The following ICA1 variants were observed in gnomAD, a reference collection of about 807,000 sequenced individuals.
ICA1 encodes the protein 69 kDa islet cell autoantigen.
Under a neutral mutation model 71.0 loss-of-function variants are expected in ICA1, and 40 were observed. The ratio of observed to expected loss-of-function variants is 0.56; its 90% confidence interval spans 0.44 to 0.73. ICA1 has a LOEUF of 0.73. Ranked by LOEUF, ICA1 falls within the 30% of genes least tolerant of loss-of-function variation. The pLI is 0.00. For synonymous variants in ICA1, 207 were observed against 209.5 expected, an observed-to-expected ratio of 0.99 and a Z score of 0.10; for missense variants, 578 against 576.5, an observed-to-expected ratio of 1.00 and a Z score of -0.03.
intron 6 of ICA1, among the ~76,000 whole-genome samples, chr7:8,188,309 C>T (rs1784509510): frequency 6.6e-6 from 1 of 152,168 alleles, no homozygotes; most frequent in African/African-American, 2.4e-5. Context: ...CATTTCTACG[C>T]TGAAAATCTC....
intron 6 of ICA1, among the ~76,000 whole-genome samples, chr7:8,159,241 A>T (rs1005585193): frequency 1.2e-4 from 18 of 152,232 alleles, no homozygotes; most frequent in African/African-American, 4.3e-4. Context: ...AACTATTCCC[A>T]TGGATGAAAC....
chr7:8,211,361 A>T (rs951258079), intron 6 of ICA1, among the ~76,000 whole-genome samples: 1 of 152,176 alleles, frequency 6.6e-6, no homozygotes, highest in Non-Finnish European at 1.5e-5. Flanking sequence ...GGTGACGGGC[A>T]CCTTCCTCAG....
chr7:8,158,387 A>C, intron 7 of ICA1, 140 bp downstream of exon 7: 7 of 986,776 alleles, frequency 7.1e-6, no homozygotes, highest in Non-Finnish European at 1.1e-5. Flanking sequence ...CCTAGAAGGC[A>C]GAGATGTGGG....
chr7:8,182,375 C>A (rs1388698478), intron 6 of ICA1, among the ~76,000 whole-genome samples: 1 of 152,198 alleles, frequency 6.6e-6, no homozygotes, highest in Non-Finnish European at 1.5e-5. Flanking sequence ...GCCTGGTTCA[C>A]AATTTTATTC....
chr7:8,202,225 T>C (rs1331331405), intron 6 of ICA1, among the ~76,000 whole-genome samples: 2 of 152,128 alleles, frequency 1.3e-5, no homozygotes, highest in African/African-American at 4.8e-5. Flanking sequence ...TTCCAGAAAA[T>C]AAGGGGATGC....
intron 6 of ICA1, among the ~76,000 whole-genome samples, chr7:8,180,148 C>T (rs1298203909): frequency 6.6e-6 from 1 of 152,010 alleles, no homozygotes; most frequent in Non-Finnish European, 1.5e-5. Flanking sequence ...CAAACATTTT[C>T]AGCACTCCAG....
intron 6 of ICA1, among the ~76,000 whole-genome samples, chr7:8,171,760 T>C (rs1186408589): frequency 6.6e-6 from 1 of 151,958 alleles, no homozygotes; most frequent in Non-Finnish European, 1.5e-5. Context: ...AATTTCCCTC[T>C]AAACATTGCT....
At chr7:8,209,687 G>C (rs1792936512) in intron 6 of ICA1, among the ~76,000 whole-genome samples, 1 of 152,184 alleles carries the variant, frequency 6.6e-6, no homozygotes, top group African/African-American at 2.4e-5. Context: ...CATGTATAAA[G>C]TGCAACAGGA....
intron 6 of ICA1, among the ~76,000 whole-genome samples, chr7:8,179,534 G>A (rs1781562784): frequency 6.6e-6 from 1 of 152,214 alleles, no homozygotes; most frequent in East Asian, 1.9e-4. Context: ...GTAAAGAAAT[G>A]TTGTATAACA....
intron 5 of ICA1, chr7:8,218,887 G>A (rs552648580): frequency 1.4e-4 from 44 of 315,202 alleles, no homozygotes; most frequent in South Asian, 1.1e-3. Context: ...GGAATGGAGC[G>A]TATGTGATTA....
chr7:8,226,447 C>T lies in ICA1; in HGVS notation c.256+2154G>A, dbSNP rs984546546. On this transcript the variant is annotated intron_variant, in intron 4 of 13. Transcript: ENST00000402384. This position sits in a 1 kb window ranked among gnomAD's most constrained non-coding sequence, Gnocchi z 4.4. ...TTTTTTACATTTATATTTTATATCA[C>T]CTTCTTGCTTGCATGAAGGATAGCA... Among the ~76,000 whole-genome samples, 13 of 152,260 alleles carry T rather than the reference C, an allele frequency of 8.5e-5. No homozygotes were observed. Among genetic ancestry groups the T allele is most frequent in the Admixed American group, 3.9e-4 (6 of 15,288 alleles).
At chr7:8,168,511 T>C (rs901925919) in intron 6 of ICA1, among the ~76,000 whole-genome samples, 5 of 152,140 alleles carry the variant, frequency 3.3e-5, no homozygotes, top group African/African-American at 4.8e-5. Context: ...TCTACCACCA[T>C]TGACCACGTG....
chr7:8,243,515 G>A (rs2128495326), intron 1 of ICA1, among the ~76,000 whole-genome samples: 1 of 152,330 alleles, frequency 6.6e-6, no homozygotes, highest in African/African-American at 2.4e-5. Flanking sequence ...ACAAGACAGG[G>A]ATGTCCTCTC....
chr7:8,169,927 T>TGTG (rs1562810946), intron 6 of ICA1, among the ~76,000 whole-genome samples: 1 of 151,410 alleles, frequency 6.6e-6, no homozygotes, highest in Admixed American at 6.6e-5. Context: ...TGTGTGTGTG[T>TGTG]TTTAATGCCT....
Position 8,123,429 on chromosome 7 carries a change from G to C in ICA1, c.1330+4444C>G, listed in dbSNP as rs927068329. 4.6e-5 allele frequency among the ~76,000 whole-genome samples: 7 copies of C among 152,056 alleles called. No homozygotes were observed. The highest frequency in any genetic ancestry group is 1.7e-4 in the African/African-American group (7 of 41,402). On this transcript the variant is annotated intron_variant, in intron 13 of 13. Transcript: ENST00000402384. The surrounding 1 kb of genome is among the most constrained non-coding windows in gnomAD (Gnocchi z 4.1). Reference sequence around the variant, plus strand: ...ATTGTGAGAGGGGGTGAGGGAGCTGGGGACGCGGCCCAGAGCTTGCACTTC... The same window carrying C: ...ATTGTGAGAGGGGGTGAGGGAGCTGCGGACGCGGCCCAGAGCTTGCACTTC...
At chr7:8,235,385 G>A (rs888069556) in intron 2 of ICA1, among the ~76,000 whole-genome samples, 3 of 152,058 alleles carry the variant, frequency 2.0e-5, no homozygotes, top group Non-Finnish European at 2.9e-5. Context: ...AAATGTCAGC[G>A]CTAACATTGC....
At chr7:8,257,083 G>A (rs1050548192) in intron 1 of ICA1, among the ~76,000 whole-genome samples, 2 of 152,194 alleles carry the variant, frequency 1.3e-5, no homozygotes, top group African/African-American at 4.8e-5. Context: ...TAATGGGGCT[G>A]TTTCAATAAA....
chr7:8,253,934 A>G (rs1419907678), intron 1 of ICA1, among the ~76,000 whole-genome samples: 1 of 152,228 alleles, frequency 6.6e-6, no homozygotes, highest in African/African-American at 2.4e-5. Context: ...CGTAAGCATA[A>G]TATCAGCCAT....
At chr7:8,260,650 A>C (rs1308009747) in intron 1 of ICA1, among the ~76,000 whole-genome samples, 1 of 152,252 alleles carries the variant, frequency 6.6e-6, no homozygotes, top group Non-Finnish European at 1.5e-5. Context: ...ATAAAACCAA[A>C]GAGTGATATT....
Sources: allele counts gnomAD v4.1 joint callset (sites outside exome capture counted in the v4.1 genomes callset), GRCh38; gene constraint gnomAD v4.1.1; non-coding constraint Gnocchi (gnomAD v3.1); transcripts MANE v1.5; gene names NCBI Gene and HGNC (gene_info 2026-07-23, HGNC 2026-07-21).